The following MYO1F variants were observed in gnomAD, a reference collection of about 807,000 sequenced individuals.
MYO1F encodes unconventional myosin-If.
MYO1F carries 60 observed loss-of-function variants against 146.6 expected under a neutral mutation model. The observed-to-expected ratio is 0.41, with a 90% confidence interval of 0.33 to 0.51. The LOEUF (loss-of-function observed/expected upper bound fraction) is 0.51. MYO1F is among the 20% of genes least tolerant of loss of function. MYO1F has a pLI of 0.25. For synonymous variants in MYO1F, 602 were observed against 602.1 expected (o/e 1.00, Z 0.00); for missense variants, 1,274 against 1,534.3 (o/e 0.83, Z 2.83).
intron 13 of MYO1F, among the ~76,000 whole-genome samples, chr19:8,545,223 G>C (rs908097529): frequency 6.6e-6 from 1 of 152,022 alleles, no homozygotes; most frequent in African/African-American, 2.4e-5. Context: ...GGGTAGCTGG[G>C]ATTACAGGCG....
At chr19:8,539,817 G>A in intron 16 of MYO1F, 130 bp downstream of exon 16, 1 of 801,096 alleles carries the variant, frequency 1.2e-6, no homozygotes. Context: ...TGACGTCACA[G>A]TCAGAGGCAG....
At chr19:8,576,926 G>A (rs2042249318) in intron 1 of MYO1F, 1 of 373,416 alleles carries the variant, frequency 2.7e-6, no homozygotes, top group South Asian at 3.1e-5. Flanking sequence ...GAGGGGAAGT[G>A]ACTAGCCCAA....
chr19:8,544,149 T>G, intron 14 of MYO1F, 148 bp downstream of exon 14: 1 of 841,902 alleles, frequency 1.2e-6, no homozygotes, highest in Non-Finnish European at 1.9e-6. Flanking sequence ...AGGGGGTGGA[T>G]TGAGGCGGGG....
chr19:8,531,622 T>G (rs1164441679), intron 19 of MYO1F, among the ~76,000 whole-genome samples: 1 of 152,200 alleles, frequency 6.6e-6, no homozygotes, highest in African/African-American at 2.4e-5. Flanking sequence ...GGGTACACAC[T>G]TCTGCCTTAC....
At chr19:8,534,740 C>T (rs988695408) in intron 19 of MYO1F, among the ~76,000 whole-genome samples, 1 of 151,918 alleles carries the variant, frequency 6.6e-6, no homozygotes, top group Non-Finnish European at 1.5e-5. Flanking sequence ...ATTCTCCTGC[C>T]TCAGCCTCCT....
chr19:8,569,396 T>C (rs1411834285), intron 1 of MYO1F, among the ~76,000 whole-genome samples: 2 of 152,082 alleles, frequency 1.3e-5, no homozygotes, highest in Admixed American at 6.6e-5. Flanking sequence ...GAGGTCTCTC[T>C]ACCCCAAGGC....
intron 8 of MYO1F, 179 bp downstream of exon 8, chr19:8,551,561 A>G: frequency 1.2e-6 from 1 of 821,192 alleles, no homozygotes. Context: ...CACGTTGGCC[A>G]GGCCGGTCTT....
Position 8,530,496 on chromosome 19 carries a change from G to T in MYO1F, c.2121C>A (p.His707Gln). ...TCTCCTCGTACTTCCGGACAGCCAC[G>T]TGGCGCCGCCAGGCCTTCTGGATGG... ...ARTIQKAWRR[H>Q]VAVRKYEEMR... Residue 707 changes from histidine to glutamine, a missense_variant, in exon 20 of 28, where the codon CAC becomes CAA. By Grantham distance (24) the His-to-Gln change is conservative. Around this residue, in one of 2 missense-constraint regions of MYO1F, gnomAD observed 900 missense variants for 1,155.1 expected, o/e 0.78. Coordinates refer to ENST00000644032, the MANE Select transcript of MYO1F (RefSeq NM_012335.4). The surrounding 1 kb of genome is among the most constrained non-coding windows in gnomAD (Gnocchi z 5.8). 1 of 1,613,740 alleles carries T rather than the reference G, an allele frequency of 6.2e-7. No homozygotes were observed.
At chr19:8,524,142 C>T (rs1156924923) in intron 25 of MYO1F, among the ~76,000 whole-genome samples, 6 of 81,628 alleles carry the variant, frequency 7.4e-5, no homozygotes, top group Admixed American at 2.7e-4. Flanking sequence ...AAAAAAAGGC[C>T]GGGCGCGGTG....
At chr19:8,567,594 T>C (rs190237512) in intron 1 of MYO1F, among the ~76,000 whole-genome samples, 1 of 152,320 alleles carries the variant, frequency 6.6e-6, no homozygotes, top group Non-Finnish European at 1.5e-5. Flanking sequence ...CAACCTCAGG[T>C]GATCCTCCCA....
chr19:8,553,509 A>T (rs1568361147), intron 4 of MYO1F, 72 bp from the exon 5 acceptor site: 1 of 1,215,750 alleles, frequency 8.2e-7, no homozygotes. Context: ...CCATTCATTC[A>T]TTGAGCACCT....
At chr19:8,522,220 C>T (rs1240984607) in intron 27 of MYO1F, among the ~76,000 whole-genome samples, 157 bp downstream of exon 27, 1 of 152,036 alleles carries the variant, frequency 6.6e-6, no homozygotes, top group Non-Finnish European at 1.5e-5. Context: ...GACGGGGTTT[C>T]ACTGTGTTAG....
At chr19:8,556,331 CT>C (rs995749744) in intron 1 of MYO1F, among the ~76,000 whole-genome samples, 17 of 143,020 alleles carry the variant, frequency 1.2e-4, no homozygotes, top group South Asian at 2.5e-4. Context: ...CACCCGGCCT[CT>C]TTTTTTTTTA....
Position 8,554,501 on chromosome 19 carries a change from C to T in MYO1F, c.302G>A (p.Cys101Tyr), listed in dbSNP as rs1339914975. 5 of 1,612,340 alleles carry T rather than the reference C, an allele frequency of 3.1e-6. No individual in the cohort carries two copies. Among genetic ancestry groups the T allele is most frequent in the African/African-American group, 1.3e-5 (1 of 74,848 alleles). The change falls in exon 4 of 28, where the codon TGT (cysteine) becomes TAT (tyrosine). Residue 101 changes from cysteine (C) to tyrosine (Y), a missense_variant. By Grantham distance (194) the Cys-to-Tyr change is radical (BLOSUM62 -2). Coordinates refer to ENST00000644032, the MANE Select transcript of MYO1F (RefSeq NM_012335.4). ...CCTAATGATGACACACTGGTTCTCACAGTCGATAAGCATGTTCCGGTACAT... is the reference window on the plus strand; with the variant it reads ...CCTAATGATGACACACTGGTTCTCATAGTCGATAAGCATGTTCCGGTACAT... ...DNMYRNMLID[C>Y]ENQCVIISGE... is the part of the protein sequence containing the mutation.
chr19:8,536,462 A>G (rs1443841305), intron 18 of MYO1F, 37 bp downstream of exon 18: 1 of 1,609,734 alleles, frequency 6.2e-7, no homozygotes, highest in South Asian at 1.1e-5. Flanking sequence ...CGTTCTGATG[A>G]AGGGGATGGC....
chr19:8,548,587 ATTTTCTTTTTTTTT>A (rs923825143), intron 10 of MYO1F, among the ~76,000 whole-genome samples: 11 of 143,338 alleles, frequency 7.7e-5, no homozygotes, highest in East Asian at 2.0e-4. Context: ...CTGCACCTCT[ATTTTCTTTTTTTTT>A]TTTTCTTTTT....
Position 8,530,056 on chromosome 19 carries a change from G to A in MYO1F, c.2328+140C>T. On this transcript the variant is annotated intron_variant, in intron 21 of 27. Transcript: ENST00000644032. This position sits in a 1 kb window ranked among gnomAD's most constrained non-coding sequence, Gnocchi z 5.8. ...TCTATGCCTGTGGGCAGGTGCATAT[G>A]GGCCAGGTGAGGGTGTACCTGTGAT... 1 of 1,181,574 alleles carries A rather than the reference G, an allele frequency of 8.5e-7. No homozygotes were observed. Among genetic ancestry groups the A allele is most frequent in the East Asian group, 2.4e-5 (1 of 42,464 alleles). 73.2% of individuals were successfully genotyped at this position (1,181,574 alleles called of 1,614,324 possible). A position where few individuals can be genotyped will look rare whatever the true frequency, so the allele number is the denominator to read the frequency against.
At chr19:8,521,683 C>T (rs1295570832) in intron 27 of MYO1F, 79 bp from the exon 28 acceptor site, 4 of 1,307,414 alleles carry the variant, frequency 3.1e-6, no homozygotes, top group Non-Finnish European at 4.4e-6. Context: ...CCATCTTGTT[C>T]ATGGGGACTC....
chr19:8,545,845 A>G (rs1973326174), intron 12 of MYO1F, 109 bp from the exon 13 acceptor site: 3 of 830,986 alleles, frequency 3.6e-6, no homozygotes, highest in Non-Finnish European at 6.3e-6. Context: ...TGTCTCTGGT[A>G]ACAAAGCCCG....
Sources: allele counts gnomAD v4.1 joint callset (sites outside exome capture counted in the v4.1 genomes callset), GRCh38; gene constraint gnomAD v4.1.1; regional missense constraint gnomAD v4.1.1; non-coding constraint Gnocchi (gnomAD v3.1); transcripts MANE v1.5; gene names NCBI Gene and HGNC (gene_info 2026-07-23, HGNC 2026-07-21).